BAZ2B: variants seen among roughly 807,000 people sequenced by gnomAD.
BAZ2B encodes the protein bromodomain adjacent to zinc finger domain protein 2B.
A neutral mutation model predicts 246.0 loss-of-function variants in BAZ2B; 91 were observed. That is an observed-to-expected ratio of 0.37 (90% CI 0.31 to 0.44). BAZ2B has a LOEUF of 0.44. BAZ2B is among the 20% of genes least tolerant of loss of function. The probability of loss-of-function intolerance (pLI) is 1.00; values close to 1 mark genes in which losing one functional copy is unlikely to be tolerated. For missense variants in BAZ2B, 2,332 were observed against 2,533.7 expected (o/e 0.92, Z 1.71); for synonymous variants, 855 against 860.0 (o/e 0.99, Z 0.10).
chr2:159,661,856 C>T, the BAZ2B span, among the ~76,000 whole-genome samples: 1 of 152,078 alleles, frequency 6.6e-6, no homozygotes, highest in Non-Finnish European at 1.5e-5. Flanking sequence ...AGCGATACTC[C>T]TGTCTCCACC....
At chr2:159,424,252 G>C (rs1052657102) in intron 13 of BAZ2B, among the ~76,000 whole-genome samples, 23 of 151,986 alleles carry the variant, frequency 1.5e-4, no homozygotes, top group African/African-American at 5.6e-4. Flanking sequence ...ATAGGCTGTT[G>C]CTTCTCTTTC....
rs2072939148 is a variant in BAZ2B, at chr2:159,439,215, G to C, written c.697-3C>G. 2 of 1,611,240 alleles carry C rather than the reference G, an allele frequency of 1.2e-6. No individual in the cohort carries two copies. Among genetic ancestry groups the C allele is most frequent in the South Asian group, 2.2e-5 (2 of 90,628 alleles). ...TCCATTGCTTTCTTCCTTGGTTTCT[G>C]GATAACGACAAGGTAGTTGGCAAGA... is the stretch of plus-strand genomic sequence containing the variant. On this transcript the variant is annotated splice_region_variant and splice_polypyrimidine_tract_variant and intron_variant, in intron 6 of 36. Coordinates refer to ENST00000392783, the MANE Select transcript of BAZ2B (RefSeq NM_013450.4).
At chr2:159,325,077 T>TTATA (rs1209767618) in intron 35 of BAZ2B, 123 bp from the exon 36 acceptor site, 53 of 2,438 alleles carry the variant, frequency 0.022, 1 homozygote, top group African/African-American at 0.041. Flanking sequence ...TATATATATA[T>TTATA]TATATATATA....
At chr2:159,384,959 T>G (rs1038131510) in intron 23 of BAZ2B, among the ~76,000 whole-genome samples, 196 bp downstream of exon 23, 2 of 152,166 alleles carry the variant, frequency 1.3e-5, no homozygotes, top group African/African-American at 4.8e-5. Context: ...AATCCAAATT[T>G]TTTTTCAATA....
At chr2:159,422,408 G>T (rs1309598117) in intron 13 of BAZ2B, among the ~76,000 whole-genome samples, 1 of 152,094 alleles carries the variant, frequency 6.6e-6, no homozygotes, top group African/African-American at 2.4e-5. Context: ...CAGACCAATG[G>T]AACAGGACAG....
intron 13 of BAZ2B, among the ~76,000 whole-genome samples, chr2:159,414,872 C>T (rs759916662): frequency 6.6e-6 from 1 of 150,594 alleles, no homozygotes; most frequent in Non-Finnish European, 1.5e-5. Context: ...TATGTACTCA[C>T]AACAATGAAA....
intron 9 of BAZ2B, among the ~76,000 whole-genome samples, chr2:159,432,383 C>CTGT (rs3061985): frequency 1.3e-5 from 2 of 151,560 alleles, no homozygotes; most frequent in East Asian, 3.9e-4. Flanking sequence ...TTCTGAATGA[C>CTGT]GACTATAATT....
intron 13 of BAZ2B, among the ~76,000 whole-genome samples, chr2:159,425,137 T>C (rs2150097744): frequency 6.6e-6 from 1 of 152,350 alleles, no homozygotes; most frequent in Admixed American, 6.5e-5. Context: ...TTTATTGAAT[T>C]ACAAAGAATA....
chr2:159,686,083 C>T, the BAZ2B span, among the ~76,000 whole-genome samples: 3 of 152,134 alleles, frequency 2.0e-5, no homozygotes, highest in African/African-American at 7.2e-5. Flanking sequence ...GAAACATAGC[C>T]AAGACCTTGT....
intron 27 of BAZ2B, among the ~76,000 whole-genome samples, chr2:159,359,368 A>C (rs61182424): frequency 0.019 from 2,845 of 152,288 alleles, 88 homozygotes; most frequent in African/African-American, 0.065. Context: ...GAAATGGATA[A>C]ATTCCGGGAC....
Position 159,526,782 on chromosome 2 carries a change from G to A in BAZ2B, c.-3+29041C>T, listed in dbSNP as rs75202092. On this transcript the variant is annotated intron_variant, in intron 2 of 36. Coordinates refer to ENST00000392783, the MANE Select transcript of BAZ2B (RefSeq NM_013450.4). ...AAAAAAGCATGAAGTTTTAGGTTTA[G>A]TAAGGAGGTGAAACACTTCATTTCT... is the stretch of plus-strand genomic sequence containing the variant. Among the ~76,000 whole-genome samples the A allele has an allele frequency of 1.4e-3, 215 of 152,248 alleles. 7 individuals are homozygous for A. In the East Asian group the frequency reaches 0.04, roughly 29 times the overall value.
At chr2:159,574,653 A>G (rs1343018555) in intron 1 of BAZ2B, among the ~76,000 whole-genome samples, 1 of 152,204 alleles carries the variant, frequency 6.6e-6, no homozygotes, top group Non-Finnish European at 1.5e-5. Context: ...GATAAACAAA[A>G]TATGACACAC....
upstream of BAZ2B, among the ~76,000 whole-genome samples, chr2:159,620,792 T>C (rs1351186602): frequency 1.3e-5 from 2 of 152,138 alleles, no homozygotes; most frequent in African/African-American, 2.4e-5. Flanking sequence ...GGCTGGGACC[T>C]GACAGTAAAA....
intron 20 of BAZ2B, among the ~76,000 whole-genome samples, chr2:159,393,023 C>T (rs948849805): frequency 7.4e-6 from 1 of 135,908 alleles, no homozygotes; most frequent in Non-Finnish European, 1.6e-5. Flanking sequence ...TAACATTTGA[C>T]TGATGACTGA....
chr2:159,577,126 G>A (rs1685540624), intron 1 of BAZ2B, among the ~76,000 whole-genome samples: 1 of 149,898 alleles, frequency 6.7e-6, no homozygotes, highest in Non-Finnish European at 1.5e-5. Context: ...TACTCGGAAG[G>A]CTGAGGCAGG....
At chr2:159,619,528 C>G (rs1039139901), upstream of BAZ2B, among the ~76,000 whole-genome samples, 1 of 150,096 alleles carries the variant, frequency 6.7e-6, no homozygotes, top group South Asian at 2.1e-4. Flanking sequence ...ATATATTTCT[C>G]TATTTCAATA....
At chr2:159,689,538 A>AT in the BAZ2B span, 9 of 228,214 alleles carry the variant, frequency 3.9e-5, no homozygotes, top group South Asian at 5.8e-5. Context: ...CACCCGGCTT[A>AT]TTTTTTTGTA....
chr2:159,689,883 T>C, the BAZ2B span: 5 of 413,630 alleles, frequency 1.2e-5, no homozygotes, highest in Non-Finnish European at 2.2e-5. Context: ...CATATCTGAT[T>C]GTTGTGTATT....
rs149596659 is a variant in BAZ2B at position 159,512,299 on chromosome 2, C to T, written c.-2-33578G>A. ...AATTCACATGAAATAACTTCTATTT[C>T]GATCCAGAAGGCAAAAGGTTTAAGT... On this transcript the variant is annotated intron_variant, in intron 2 of 36. Transcript: ENST00000392783. Among the ~76,000 whole-genome samples the T allele has an allele frequency of 8.3e-3, 1,257 of 152,206 alleles. 21 individuals are homozygous for T. The highest frequency in any genetic ancestry group is 0.028 in the African/African-American group (1,173 of 41,524).
Sources: gnomAD v4.1 joint callset for allele counts (sites outside exome capture counted in the v4.1 genomes callset) on GRCh38, gnomAD v4.1.1 for gene constraint, MANE v1.5 for transcripts, NCBI Gene and HGNC (gene_info 2026-07-23, HGNC 2026-07-21) for gene names.